ST6GAL1: variants seen among roughly 807,000 people sequenced by gnomAD.
The protein encoded by ST6GAL1 is ST6 beta-galactoside alpha-2,6-sialyltransferase 1.
In ST6GAL1, 20 loss-of-function variants were observed where a neutral mutation model predicts 38.0. The ratio of observed to expected loss-of-function variants is 0.53; its 90% CI spans 0.37 to 0.77. The LOEUF is 0.77. Among genes scored for constraint, ST6GAL1 ranks in the 30% least tolerant of loss-of-function variants. The pLI, the probability that ST6GAL1 is intolerant of heterozygous loss-of-function variation, is 0.00. For synonymous variants in ST6GAL1, 196 were observed against 188.2 expected (o/e 1.04, Z -0.34); for missense variants, 432 against 496.4 (o/e 0.87, Z 1.23).
intron 2 of ST6GAL1, among the ~76,000 whole-genome samples, chr3:186,968,451 C>T (rs4686823): frequency 0.9 from 137,485 of 152,144 alleles, 62,128 homozygotes; most frequent in East Asian, 0.93. Flanking sequence ...ATGAAACTAT[C>T]CCCACAATTA....
intron 2 of ST6GAL1, among the ~76,000 whole-genome samples, chr3:186,965,722 A>G (rs1322930848): frequency 1.3e-5 from 2 of 152,152 alleles, no homozygotes; most frequent in African/African-American, 4.8e-5. Flanking sequence ...CACAGAGCTT[A>G]CATATAACTG....
In ST6GAL1 at chr3:187,051,275, A is replaced by G. The variant is rs1423883787; in HGVS notation, c.634A>G (p.Asn212Asp). 6.2e-7 allele frequency: 1 copy of G among 1,613,464 alleles called. No individual in the cohort carries two copies. The highest frequency in any genetic ancestry group is 1.1e-5 in the South Asian group (1 of 91,046). The change falls in exon 5 of 8, where the codon AAT (asparagine) becomes GAT (aspartate). Residue 212 changes from asparagine to aspartate, a missense_variant. Coordinates refer to ENST00000169298, the MANE Select transcript of ST6GAL1 (RefSeq NM_173216.2). Reference protein sequence around the residue: ...IDDHDAVLRFNGAPTANFQQD... With the variant: ...IDDHDAVLRFDGAPTANFQQD... ...TGATCATGACGCAGTCCTGAGGTTT[A>G]ATGGGGCACCCACAGCCAACTTCCA...
At chr3:187,067,653 T>C (rs1228399471) in intron 5 of ST6GAL1, among the ~76,000 whole-genome samples, 1 of 152,086 alleles carries the variant, frequency 6.6e-6, no homozygotes, top group Non-Finnish European at 1.5e-5. Flanking sequence ...TGGCTGTTTT[T>C]CCATTGGATA....
chr3:186,992,849 A>C (rs2019082), intron 2 of ST6GAL1, among the ~76,000 whole-genome samples: 35,880 of 152,072 alleles, frequency 0.24, 4,434 homozygotes, highest in East Asian at 0.37. Context: ...CAGAAAAGCA[A>C]ATTAGACGTG....
intron 1 of ST6GAL1, among the ~76,000 whole-genome samples, chr3:186,955,049 G>T (rs1253216331): frequency 6.6e-6 from 1 of 152,156 alleles, no homozygotes; most frequent in Non-Finnish European, 1.5e-5. Flanking sequence ...TGCTGTGTAT[G>T]GATAGCCAAT....
At chr3:186,967,760 G>A (rs1298074505) in intron 2 of ST6GAL1, among the ~76,000 whole-genome samples, 1 of 152,228 alleles carries the variant, frequency 6.6e-6, no homozygotes, top group Non-Finnish European at 1.5e-5. Flanking sequence ...TTTCACTTAA[G>A]GAAATGGAGG....
rs955583688 is a variant in ST6GAL1 at position 187,076,830 on chromosome 3, C to T, written c.*1027C>T. 10 of 398,940 alleles carry T rather than the reference C, an allele frequency of 2.5e-5. No homozygotes were observed. Among genetic ancestry groups the T allele is most frequent in the East Asian group, 1.8e-4 (5 of 28,092 alleles). 24.7% of individuals were successfully genotyped at this position (398,940 alleles called of 1,614,324 possible). ...GTCTGAGGTAGCAAGTGCAGCCTCA[C>T]GACAGATACCAGGCAATCCAGAGCC... On this transcript the variant is annotated 3_prime_UTR_variant, in exon 8 of 8. Coordinates refer to ENST00000169298, the MANE Select transcript of ST6GAL1 (RefSeq NM_173216.2).
chr3:187,044,369 C>T (rs943876472), intron 4 of ST6GAL1, among the ~76,000 whole-genome samples: 2 of 152,068 alleles, frequency 1.3e-5, no homozygotes, highest in African/African-American at 4.8e-5. Flanking sequence ...ATTTGACTGC[C>T]AGGAAAAATG....
intron 2 of ST6GAL1, among the ~76,000 whole-genome samples, chr3:187,029,679 G>A (rs1717672155): frequency 6.6e-6 from 1 of 152,180 alleles, no homozygotes; most frequent in Non-Finnish European, 1.5e-5. Context: ...AAGCATTGTT[G>A]TACAATTTTC....
At chr3:187,046,571 C>T (rs897626784) in intron 4 of ST6GAL1, among the ~76,000 whole-genome samples, 14 of 151,678 alleles carry the variant, frequency 9.2e-5, no homozygotes, top group Admixed American at 6.6e-4. Flanking sequence ...GGTCAGAGAC[C>T]GGCTAGAGGA....
intron 1 of ST6GAL1, among the ~76,000 whole-genome samples, chr3:186,938,059 G>A (rs1354883941): frequency 1.3e-5 from 2 of 152,156 alleles, no homozygotes; most frequent in East Asian, 1.9e-4. Context: ...GGGTGACAGA[G>A]CAAGACTGTC....
chr3:187,048,129 G>A (rs1718368581), intron 4 of ST6GAL1, among the ~76,000 whole-genome samples: 1 of 152,018 alleles, frequency 6.6e-6, no homozygotes, highest in African/African-American at 2.4e-5. Context: ...ATTTTTAGTA[G>A]AGACGAGGTT....
At chr3:187,045,689 A>G (rs190847421) in intron 4 of ST6GAL1, among the ~76,000 whole-genome samples, 13 of 152,174 alleles carry the variant, frequency 8.5e-5, no homozygotes, top group Admixed American at 3.9e-4. Context: ...CAAAGACCCC[A>G]CTCTTGGCAC....
chr3:186,999,040 C>T (rs920017499), intron 2 of ST6GAL1, among the ~76,000 whole-genome samples: 1 of 152,230 alleles, frequency 6.6e-6, no homozygotes, highest in African/African-American at 2.4e-5. Flanking sequence ...AACTGCCAGC[C>T]GACCAGGAAG....
At chr3:186,932,232 G>A (rs1390113642) in intron 1 of ST6GAL1, among the ~76,000 whole-genome samples, 1 of 152,204 alleles carries the variant, frequency 6.6e-6, no homozygotes, top group Non-Finnish European at 1.5e-5. Flanking sequence ...TTTACAGGCA[G>A]GAAGCTGAGG....
rs2108454514 is a variant in ST6GAL1 at position 187,077,180 on chromosome 3, A to G, written c.*1377A>G. 2.5e-6 allele frequency: 1 copy of G among 392,564 alleles called. No individual in the cohort carries two copies. Among genetic ancestry groups the G allele is most frequent in the Non-Finnish European group, 4.5e-6 (1 of 222,694 alleles). 24.3% of individuals were successfully genotyped at this position (392,564 alleles called of 1,614,324 possible). ...GTGGTAGCAGATTGCAATGCTCTGC[A>G]CCTCTTCCTTGCAAGTGAGCAACTT... On this transcript the variant is annotated 3_prime_UTR_variant, in exon 8 of 8. Transcript: ENST00000169298.
At chr3:186,938,005 C>T (rs147901621) in intron 1 of ST6GAL1, among the ~76,000 whole-genome samples, 71 of 152,200 alleles carry the variant, frequency 4.7e-4, no homozygotes, top group African/African-American at 1.6e-3. Flanking sequence ...ACCCAGTAGG[C>T]GGAGGTTGCA....
At chr3:187,030,193 G>A (rs964065357) in intron 2 of ST6GAL1, among the ~76,000 whole-genome samples, 1 of 152,146 alleles carries the variant, frequency 6.6e-6, no homozygotes, top group Non-Finnish European at 1.5e-5. Context: ...CGGTATTTTG[G>A]GTGGGGGAGA....
rs1008935190 is a variant in ST6GAL1 at position 187,072,875 on chromosome 3, C to T, written c.732C>T (p.Leu244=). 6.2e-7 allele frequency: 1 copy of T among 1,614,004 alleles called. No individual in the cohort carries two copies. The change falls in exon 6 of 8, where the codon CTC becomes CTT. Residue 244 remains leucine (L), a synonymous_variant. Transcript: ENST00000169298. ...SQLVTTEKRF[L]KDSLYNEGIL... is the part of the protein sequence containing the mutation. ...TGGTTACCACAGAGAAGCGCTTCCT[C>T]AAAGACAGTTTGTACAATGAAGGAA...
Sources: allele counts gnomAD v4.1 joint callset (sites outside exome capture counted in the v4.1 genomes callset), GRCh38; gene constraint gnomAD v4.1.1; transcripts MANE v1.5; gene names NCBI Gene and HGNC (gene_info 2026-07-23, HGNC 2026-07-21).